The following IL26 variants were observed in gnomAD, a reference collection of about 807,000 sequenced individuals.
IL26 encodes the protein interleukin 26.
Under a neutral mutation model 21.7 loss-of-function variants are expected in IL26, and 23 were observed. That is an observed-to-expected ratio of 1.06 (90% CI 0.76 to 1.50). The LOEUF (loss-of-function observed/expected upper bound fraction) is 1.50. Among genes scored for constraint, IL26 ranks in the 40% most tolerant of loss-of-function variants. The pLI, the probability that IL26 is intolerant of heterozygous loss-of-function variation, is 0.00. For synonymous variants in IL26, 63 were observed against 67.8 expected, an observed-to-expected ratio of 0.93 and a Z score of 0.34; for missense variants, 204 against 196.0, an observed-to-expected ratio of 1.04 and a Z score of -0.24.
chr12:68,223,884 G>GTTTTTTTTTTTTTTTTT, intron 3 of IL26, among the ~76,000 whole-genome samples: 1 of 132,272 alleles, frequency 7.6e-6, no homozygotes, highest in African/African-American at 2.8e-5. Flanking sequence ...AAATTTGGTG[G>GTTTTTTTTTTTTTTTTT]TTTTTTTTTT....
chr12:68,203,925 A>G (rs561686704), intron 3 of IL26, among the ~76,000 whole-genome samples: 4 of 152,288 alleles, frequency 2.6e-5, no homozygotes, highest in Admixed American at 2.6e-4. Flanking sequence ...CTGTGATAAG[A>G]GCCCTGACTT....
chr12:68,219,161 TA>T (rs1418465143), intron 3 of IL26, among the ~76,000 whole-genome samples: 1 of 151,892 alleles, frequency 6.6e-6, no homozygotes, highest in Non-Finnish European at 1.5e-5. Flanking sequence ...AGAGAAAAAG[TA>T]AAAAGCTGTC....
At chr12:68,224,943 T>C (rs901978823) in intron 3 of IL26, among the ~76,000 whole-genome samples, 4 of 152,258 alleles carry the variant, frequency 2.6e-5, no homozygotes, top group Non-Finnish European at 4.4e-5. Context: ...TATGAGCCAT[T>C]CTTTAAGAAA....
At chr12:68,210,294 T>C (rs1003171195) in intron 3 of IL26, among the ~76,000 whole-genome samples, 1 of 125,758 alleles carries the variant, frequency 8.0e-6, no homozygotes, top group African/African-American at 3.0e-5. Context: ...ATTATGCTAG[T>C]ATAATGTTTA....
chr12:68,201,661 A>T lies in IL26; in HGVS notation c.*184T>A. On this transcript the variant is annotated 3_prime_UTR_variant, in exon 5 of 5. Coordinates refer to ENST00000229134, the MANE Select transcript of IL26 (RefSeq NM_018402.2). The stretch of plus-strand genomic sequence containing the variant: ...ATTTGAAAACACAGAAAATGTGCAA[A>T]TTAGTGACAACTTATATCCAAAACG... The T allele has an allele frequency of 2.2e-6, 1 of 453,226 alleles. No homozygotes were observed. Among genetic ancestry groups the T allele is most frequent in the Non-Finnish European group, 3.9e-6 (1 of 256,592 alleles). 28.1% of individuals were successfully genotyped at this position (453,226 alleles called of 1,614,324 possible).
In IL26 at chr12:68,225,505, A is replaced by T; in HGVS notation, c.172-5T>A. 1 of 1,598,822 alleles carries T rather than the reference A, an allele frequency of 6.3e-7. No individual in the cohort carries two copies. Among genetic ancestry groups the T allele is most frequent in the Middle Eastern group, 1.7e-4 (1 of 6,026 alleles). On this transcript the variant is annotated splice_region_variant and splice_polypyrimidine_tract_variant and intron_variant, in intron 1 of 4. Transcript: ENST00000229134. ...TATATTTTTTATGCGGTCTTCCTAC[A>T]ATAATACAAAGAGAAATAAGTTGTA...
rs776309181 is a variant in IL26, at chr12:68,225,507, T to C, written c.172-7A>G. 6 of 1,599,242 alleles carry C rather than the reference T, an allele frequency of 3.8e-6. No homozygotes were observed. The highest frequency in any genetic ancestry group is 5.1e-6 in the Non-Finnish European group (6 of 1,167,168). On this transcript the variant is annotated splice_region_variant and splice_polypyrimidine_tract_variant and intron_variant, in intron 1 of 4. Transcript: ENST00000229134. ...TATTTTTTATGCGGTCTTCCTACAA[T>C]AATACAAAGAGAAATAAGTTGTATC...
At chr12:68,205,274 T>C (rs897039703) in intron 3 of IL26, among the ~76,000 whole-genome samples, 1 of 151,864 alleles carries the variant, frequency 6.6e-6, no homozygotes, top group Non-Finnish European at 1.5e-5. Flanking sequence ...TGGATAACGT[T>C]AGGTGCACTG....
intron 3 of IL26, among the ~76,000 whole-genome samples, chr12:68,211,614 A>G (rs1868732720): frequency 6.6e-6 from 1 of 152,148 alleles, no homozygotes; most frequent in South Asian, 2.1e-4. Flanking sequence ...GTGAGATGGT[A>G]TCTCACTGTG....
In IL26 at chr12:68,214,707, C is replaced by T. The variant is rs11571024; in HGVS notation, c.363+10442G>A. On this transcript the variant is annotated intron_variant, in intron 3 of 4. Coordinates refer to ENST00000229134, the MANE Select transcript of IL26 (RefSeq NM_018402.2). ...TATCTTTTATCCATTCCTTAACTGT[C>T]AGTCTATGTGAGCCTTTATAGGTGA... Among the ~76,000 whole-genome samples, 998 of 152,166 alleles carry T rather than the reference C, an allele frequency of 6.6e-3. 17 individuals are homozygous for T. The highest frequency in any genetic ancestry group is 0.023 in the African/African-American group (971 of 41,520).
At chr12:68,209,568 T>G (rs916400742) in intron 3 of IL26, among the ~76,000 whole-genome samples, 5 of 152,216 alleles carry the variant, frequency 3.3e-5, no homozygotes, top group Non-Finnish European at 4.4e-5. Context: ...ACGGGTTTTA[T>G]GCCCTAGGCT....
intron 3 of IL26, among the ~76,000 whole-genome samples, chr12:68,222,346 G>A (rs912019760): frequency 1.3e-5 from 2 of 152,178 alleles, no homozygotes; most frequent in African/African-American, 4.8e-5. Flanking sequence ...ACAAACCAAT[G>A]TTTTATTGTT....
chr12:68,207,395 A>T (rs533751727), intron 3 of IL26, among the ~76,000 whole-genome samples: 81 of 152,364 alleles, frequency 5.3e-4, no homozygotes, highest in African/African-American at 1.8e-3. Context: ...TGAAAAATAC[A>T]CAAGAGACCA....
At chr12:68,224,293 T>C (rs1261898045) in intron 3 of IL26, among the ~76,000 whole-genome samples, 1 of 142,392 alleles carries the variant, frequency 7.0e-6, no homozygotes, top group Non-Finnish European at 1.5e-5. Context: ...TGTTTTTGTT[T>C]TGTTTTGTTT....
At chr12:68,204,011 G>GT (rs1224147954) in intron 3 of IL26, among the ~76,000 whole-genome samples, 5 of 152,140 alleles carry the variant, frequency 3.3e-5, no homozygotes, top group Non-Finnish European at 2.9e-5. Context: ...TCTGGGATGA[G>GT]TGGAATGTTC....
In IL26 at chr12:68,225,791, G is replaced by A; in HGVS notation, c.-35C>T. ...CCCCACTCAGCGTGTGTCACTCACA[G>A]CAGCCCAAGAGATACTAATGCCGGT... On this transcript the variant is annotated 5_prime_UTR_variant, in exon 1 of 5. Transcript: ENST00000229134. 1 of 1,607,862 alleles carries A rather than the reference G, an allele frequency of 6.2e-7. No homozygotes were observed. The highest frequency in any genetic ancestry group is 8.5e-7 in the Non-Finnish European group (1 of 1,176,106).
chr12:68,209,188 G>A (rs1868631601), intron 3 of IL26, among the ~76,000 whole-genome samples: 1 of 152,174 alleles, frequency 6.6e-6, no homozygotes, highest in East Asian at 1.9e-4. Flanking sequence ...CCGGGTCGTG[G>A]GGGCAACGAA....
chr12:68,202,675 T>G (rs1020582554), intron 3 of IL26, among the ~76,000 whole-genome samples: 3 of 152,132 alleles, frequency 2.0e-5, no homozygotes, highest in Non-Finnish European at 4.4e-5. Context: ...TCCCCCATGA[T>G]CCAATCACCT....
At chr12:68,204,131 G>C (rs912488534) in intron 3 of IL26, among the ~76,000 whole-genome samples, 1 of 139,784 alleles carries the variant, frequency 7.2e-6, no homozygotes, top group Non-Finnish European at 1.6e-5. Context: ...TCATGTGTTA[G>C]GATTCAAAGA....
Sources: allele counts gnomAD v4.1 joint callset (sites outside exome capture counted in the v4.1 genomes callset), GRCh38; gene constraint gnomAD v4.1.1; transcripts MANE v1.5; gene names NCBI Gene and HGNC (gene_info 2026-07-23, HGNC 2026-07-21).